FBXO42: variants seen among roughly 807,000 people sequenced by gnomAD.
FBXO42 encodes the protein F-box only protein 42.
FBXO42 carries 12 observed loss-of-function variants against 71.7 expected under a neutral mutation model. The observed-to-expected ratio is 0.17, with a 90% CI of 0.11 to 0.27. The LOEUF (loss-of-function observed/expected upper bound fraction) is 0.27, where lower values mean the gene tolerates loss of function less well. FBXO42 is among the 10% of genes least tolerant of loss of function. FBXO42 has a pLI of 1.00. For missense variants in FBXO42, 707 were observed against 911.9 expected (o/e 0.78, Z 2.89); for synonymous variants, 325 against 327.5 (o/e 0.99, Z 0.08).
At chr1:16,340,317 G>C (rs1472456241) in intron 1 of FBXO42, among the ~76,000 whole-genome samples, 2 of 151,228 alleles carry the variant, frequency 1.3e-5, no homozygotes, top group Non-Finnish European at 2.9e-5. Flanking sequence ...GAAAACCTTT[G>C]GTAGTACTTT....
intron 1 of FBXO42, among the ~76,000 whole-genome samples, chr1:16,338,390 G>A (rs1425525138): frequency 2.8e-5 from 4 of 145,426 alleles, no homozygotes; most frequent in African/African-American, 1.0e-4. Flanking sequence ...TAACAATGTT[G>A]CATGACATCT....
chr1:16,324,512 G>A (rs1430839863), intron 1 of FBXO42, among the ~76,000 whole-genome samples: 3 of 152,166 alleles, frequency 2.0e-5, no homozygotes, highest in Non-Finnish European at 4.4e-5. Flanking sequence ...AAGCATTTCA[G>A]CTGAGCTCTA....
At chr1:16,282,616 A>C (rs1456990777) in intron 4 of FBXO42, among the ~76,000 whole-genome samples, 1 of 151,542 alleles carries the variant, frequency 6.6e-6, no homozygotes, top group East Asian at 1.9e-4. Context: ...AGGCCAAGGT[A>C]GGAGGACAGC....
chr1:16,287,751 G>A (rs1199116681), intron 4 of FBXO42, among the ~76,000 whole-genome samples: 1 of 152,054 alleles, frequency 6.6e-6, no homozygotes, highest in Non-Finnish European at 1.5e-5. Flanking sequence ...TGCCTGGCCT[G>A]TGCTGTCATT....
chr1:16,260,595 A>G (rs1412174998), intron 4 of FBXO42, among the ~76,000 whole-genome samples: 1 of 152,208 alleles, frequency 6.6e-6, no homozygotes, highest in Non-Finnish European at 1.5e-5. Flanking sequence ...TATTTTACAG[A>G]TAAGAAACCT....
At chr1:16,253,770 C>T (rs2100428159) in intron 6 of FBXO42, 39 bp from the exon 7 acceptor site, 4 of 1,582,960 alleles carry the variant, frequency 2.5e-6, no homozygotes, top group Non-Finnish European at 3.5e-6. Context: ...TAGTTAGGAG[C>T]TCCCAGGGAC....
At chr1:16,324,712 G>A (rs545493829) in intron 1 of FBXO42, among the ~76,000 whole-genome samples, 1 of 152,290 alleles carries the variant, frequency 6.6e-6, no homozygotes, top group South Asian at 2.1e-4. Context: ...AGCTACAGGG[G>A]GTCTGAGGTG....
chr1:16,288,143 C>A (rs2082040916), intron 4 of FBXO42, among the ~76,000 whole-genome samples: 1 of 151,208 alleles, frequency 6.6e-6, no homozygotes, highest in African/African-American at 2.4e-5. Context: ...CTGTCTCAAA[C>A]AAACAATAAT....
In FBXO42 at chr1:16,248,695, T is replaced by G. The variant is rs1285172531; in HGVS notation, c.*1975A>C. On this transcript the variant is annotated 3_prime_UTR_variant, in exon 10 of 10. Transcript: ENST00000375592. ...TTCCCTTGTAAATAAGGACCCCACATGATCGAACAGTCTTTGCCAAGCAAG... is the reference window on the plus strand; with the variant it reads ...TTCCCTTGTAAATAAGGACCCCACAGGATCGAACAGTCTTTGCCAAGCAAG... The G allele has an allele frequency of 2.6e-5, 4 of 152,236 alleles. No homozygotes were observed. Among genetic ancestry groups the G allele is most frequent in the Non-Finnish European group, 5.9e-5 (4 of 68,048 alleles). The allele number at this position is 152,236 out of a possible 1,614,324, so 9.4% of individuals were successfully genotyped here.
At chr1:16,319,756 C>G (rs1160759907) in intron 1 of FBXO42, among the ~76,000 whole-genome samples, 1 of 151,716 alleles carries the variant, frequency 6.6e-6, no homozygotes, top group African/African-American at 2.4e-5. Context: ...ACTAAAAATA[C>G]AAAAATTAGC....
chr1:16,324,272 A>T (rs1359460681), intron 1 of FBXO42, among the ~76,000 whole-genome samples: 1 of 152,210 alleles, frequency 6.6e-6, no homozygotes, highest in Non-Finnish European at 1.5e-5. Context: ...AATATTAAAA[A>T]CACAAAAAGA....
At chr1:16,335,154 C>T (rs1164288359) in intron 1 of FBXO42, among the ~76,000 whole-genome samples, 1 of 148,794 alleles carries the variant, frequency 6.7e-6, no homozygotes, top group African/African-American at 2.5e-5. Context: ...AAATTACCAA[C>T]ATGGTGGCTT....
At chr1:16,276,366 C>T (rs960419527) in intron 4 of FBXO42, among the ~76,000 whole-genome samples, 2 of 145,760 alleles carry the variant, frequency 1.4e-5, no homozygotes, top group Non-Finnish European at 1.5e-5. Context: ...GGCGACAGAC[C>T]GACACTCTGT....
At chr1:16,284,655 C>A (rs1352780381) in intron 4 of FBXO42, among the ~76,000 whole-genome samples, 1 of 151,722 alleles carries the variant, frequency 6.6e-6, no homozygotes, top group Admixed American at 6.6e-5. Context: ...GATAGTGAAA[C>A]CCCATCTCTA....
rs367652157 is a variant in FBXO42 at position 16,268,979 on chromosome 1, T to C, written c.503-12220A>G. On this transcript the variant is annotated intron_variant, in intron 4 of 9. Transcript: ENST00000375592. ...ACGCATCACCACACCCAGTTAATTT[T>C]TGTATTTTAGCAGAGATGGGAGTGT... Among the ~76,000 whole-genome samples, 9 of 151,858 alleles carry C rather than the reference T, an allele frequency of 5.9e-5. No homozygotes were observed. The East Asian group carries it at 1.8e-3, about 30-fold the overall frequency.
chr1:16,311,177 C>G (rs74630902), intron 2 of FBXO42, among the ~76,000 whole-genome samples: 1 of 119,814 alleles, frequency 8.3e-6, no homozygotes, highest in African/African-American at 3.2e-5. Context: ...GACTCCGTCT[C>G]AAAAAAAAAA....
At chr1:16,304,193 T>G (rs2082226512) in intron 3 of FBXO42, among the ~76,000 whole-genome samples, 1 of 151,076 alleles carries the variant, frequency 6.6e-6, no homozygotes, top group African/African-American at 2.4e-5. Flanking sequence ...CTCGGCTCAC[T>G]GCAACCTCCG....
intron 4 of FBXO42, among the ~76,000 whole-genome samples, chr1:16,289,759 C>T (rs2082059477): frequency 6.6e-6 from 1 of 152,002 alleles, no homozygotes; most frequent in Non-Finnish European, 1.5e-5. Context: ...ATAGTGAGAC[C>T]CCATCTCTAC....
rs565503269 is a variant in FBXO42, at chr1:16,343,976, A to C, written c.-18+8279T>G. ...GCAAAAAAAAAAAAAACAACAACAA[A>C]AAAAGAAAACTGCAAAGGGATCTTT... On this transcript the variant is annotated intron_variant, in intron 1 of 9. Coordinates refer to ENST00000375592, the MANE Select transcript of FBXO42 (RefSeq NM_018994.3). 2.1e-4 allele frequency among the ~76,000 whole-genome samples: 32 copies of C among 151,754 alleles called. No individual in the cohort carries two copies. The East Asian group carries it at 2.1e-3, about 10-fold the overall frequency.
Sources: allele counts gnomAD v4.1 joint callset (sites outside exome capture counted in the v4.1 genomes callset), GRCh38; gene constraint gnomAD v4.1.1; transcripts MANE v1.5; gene names NCBI Gene and HGNC (gene_info 2026-07-23, HGNC 2026-07-21).